Variants in MAD1L1 observed in about 807,000 individuals in gnomAD.
The protein encoded by MAD1L1 is mitotic spindle assembly checkpoint protein MAD1.
Under a neutral mutation model 96.9 loss-of-function variants are expected in MAD1L1, and 95 were observed. The ratio of observed to expected loss-of-function variants is 0.98; its 90% CI spans 0.83 to 1.16. The LOEUF (loss-of-function observed/expected upper bound fraction) is 1.16. Among genes scored for constraint, MAD1L1 ranks in the 50% most tolerant of loss-of-function variants. The probability of loss-of-function intolerance (pLI) is 0.00; values close to 1 mark genes in which losing one functional copy is unlikely to be tolerated. For synonymous variants in MAD1L1, 473 were observed against 396.6 expected (o/e 1.19, Z -2.29); for missense variants, 1,007 against 954.4 (o/e 1.06, Z -0.73).
rs116601321 is a variant in MAD1L1, at chr7:1,927,715, T to C, written c.1807+8972A>G. On this transcript the variant is annotated intron_variant, in intron 17 of 18. Transcript: ENST00000265854. Reference sequence around the variant, plus strand: ...TCAAAATGGGTCACAGATTTAAATGTGAACTTAAAACCTTTTAGTAGAAAA... The same window carrying C: ...TCAAAATGGGTCACAGATTTAAATGCGAACTTAAAACCTTTTAGTAGAAAA... Among the ~76,000 whole-genome samples, 1,270 of 152,276 alleles carry C rather than the reference T, an allele frequency of 8.3e-3. 16 individuals carry two copies. The highest frequency in any genetic ancestry group is 0.03 in the African/African-American group (1,231 of 41,550).
intron 18 of MAD1L1, among the ~76,000 whole-genome samples, chr7:1,819,047 G>A (rs1781984961): frequency 6.6e-6 from 1 of 152,064 alleles, no homozygotes; most frequent in Admixed American, 6.5e-5. Flanking sequence ...CTCCACCTCG[G>A]TCTAACGCTC....
At chr7:1,909,236 G>A (rs1411964286) in intron 17 of MAD1L1, among the ~76,000 whole-genome samples, 1 of 152,210 alleles carries the variant, frequency 6.6e-6, no homozygotes, top group Non-Finnish European at 1.5e-5. Flanking sequence ...GAAGCCAGTG[G>A]AGGCCCAGGG....
chr7:1,869,638 C>T (rs1014231941), intron 18 of MAD1L1, among the ~76,000 whole-genome samples: 3 of 152,200 alleles, frequency 2.0e-5, no homozygotes, highest in Admixed American at 1.3e-4. Flanking sequence ...CATCCATCTC[C>T]AGCTGCCGAA....
At chr7:1,877,434 A>T (rs899203626) in intron 18 of MAD1L1, among the ~76,000 whole-genome samples, 3 of 151,918 alleles carry the variant, frequency 2.0e-5, no homozygotes, top group Non-Finnish European at 4.4e-5. Flanking sequence ...ATAATTAATA[A>T]GCCAATGTTG....
chr7:2,053,151 C>T (rs539951969), intron 12 of MAD1L1, among the ~76,000 whole-genome samples: 1 of 152,360 alleles, frequency 6.6e-6, no homozygotes, highest in Non-Finnish European at 1.5e-5. Context: ...GCAAGTAACA[C>T]CCTCTTCCAC....
At chr7:2,052,448 G>C (rs1181918053) in intron 12 of MAD1L1, among the ~76,000 whole-genome samples, 1 of 152,116 alleles carries the variant, frequency 6.6e-6, no homozygotes, top group African/African-American at 2.4e-5. Context: ...AGCAGGCAGG[G>C]AGGGCGCCGG....
intron 17 of MAD1L1, among the ~76,000 whole-genome samples, chr7:1,921,773 G>A (rs1415638453): frequency 2.0e-5 from 3 of 152,124 alleles, no homozygotes; most frequent in South Asian, 2.1e-4. Flanking sequence ...ATAAATCTAC[G>A]GGGAAGGAAG....
chr7:1,898,287 G>C lies in MAD1L1; in HGVS notation c.1911C>G (p.Thr637=). 1 of 1,614,152 alleles carries C rather than the reference G, an allele frequency of 6.2e-7. No homozygotes were observed. Among genetic ancestry groups the C allele is most frequent in the Non-Finnish European group, 8.5e-7 (1 of 1,180,038 alleles). The part of the protein sequence containing the change: ...QEFRKACYTL[T]GYQIDITTEN... Reference sequence around the variant, plus strand: ...CCGTGGTGATGTCGATCTGGTAGCCGGTGAGCGTGTAGCAGGCCTTGCGGA... The same window carrying C: ...CCGTGGTGATGTCGATCTGGTAGCCCGTGAGCGTGTAGCAGGCCTTGCGGA... The change falls in exon 18 of 19, where the codon ACC becomes ACG. Residue 637 remains threonine (T), a synonymous_variant. Transcript: ENST00000265854.
intron 14 of MAD1L1, among the ~76,000 whole-genome samples, chr7:1,983,730 G>A (rs1781029082): frequency 6.6e-6 from 1 of 152,212 alleles, no homozygotes; most frequent in Non-Finnish European, 1.5e-5. Flanking sequence ...AGAATTCTCA[G>A]CACGCCTGAA....
chr7:1,907,214 G>T (rs372305272), intron 17 of MAD1L1, among the ~76,000 whole-genome samples: 1 of 152,154 alleles, frequency 6.6e-6, no homozygotes, highest in East Asian at 1.9e-4. Context: ...CCTGTCCCAC[G>T]GTCCCCCAGC....
chr7:2,004,122 C>T (rs758978116), intron 13 of MAD1L1, among the ~76,000 whole-genome samples: 5 of 152,168 alleles, frequency 3.3e-5, no homozygotes, highest in African/African-American at 7.2e-5. Flanking sequence ...GCTCTCCTCA[C>T]GCAGCCCTAC....
At chr7:1,882,632 A>G (rs751828619) in intron 18 of MAD1L1, among the ~76,000 whole-genome samples, 7 of 152,266 alleles carry the variant, frequency 4.6e-5, no homozygotes, top group South Asian at 2.1e-4. Context: ...CCAGGCCTGG[A>G]GCGTGAGCAC....
At chr7:1,847,011 A>G (rs1783665811) in intron 18 of MAD1L1, 1 of 340,030 alleles carries the variant, frequency 2.9e-6, no homozygotes, top group Admixed American at 4.4e-5. Flanking sequence ...CATTCATTAC[A>G]AAGAGACATT....
chr7:2,175,294 G>C (rs1790894291), intron 10 of MAD1L1: 2 of 152,200 alleles, frequency 1.3e-5, no homozygotes, highest in African/African-American at 2.4e-5. Context: ...GGCCACTCTG[G>C]AAGTAAGCAG....
intron 14 of MAD1L1, among the ~76,000 whole-genome samples, chr7:1,999,708 C>T (rs754909205): frequency 1.7e-4 from 26 of 152,206 alleles, no homozygotes; most frequent in African/African-American, 5.1e-4. Context: ...CAGCATAAAC[C>T]GCTCTCCCAC....
intron 10 of MAD1L1, among the ~76,000 whole-genome samples, chr7:2,195,404 C>T (rs1056966441): frequency 3.9e-5 from 6 of 152,274 alleles, no homozygotes; most frequent in Admixed American, 2.6e-4. Context: ...TTGCAGTAAA[C>T]GCTAGCAATG....
chr7:2,124,739 C>A (rs1254905419), intron 11 of MAD1L1, among the ~76,000 whole-genome samples: 1 of 152,174 alleles, frequency 6.6e-6, no homozygotes, highest in Non-Finnish European at 1.5e-5. Flanking sequence ...GGTCAGGAGA[C>A]AGCCATTCCA....
intron 18 of MAD1L1, among the ~76,000 whole-genome samples, chr7:1,896,005 G>A (rs1449894970): frequency 1.3e-5 from 2 of 152,228 alleles, no homozygotes; most frequent in African/African-American, 4.8e-5. Context: ...CGGGGCCCAG[G>A]CCAGACCCCT....
intron 17 of MAD1L1, among the ~76,000 whole-genome samples, chr7:1,905,955 CAGG>C (rs977689145): frequency 6.7e-6 from 1 of 148,722 alleles, no homozygotes; most frequent in Non-Finnish European, 1.5e-5. Context: ...GAGGCTGAGG[CAGG>C]AGAATTGCTT....
Sources: gnomAD v4.1 joint callset for allele counts (sites outside exome capture counted in the v4.1 genomes callset) on GRCh38, gnomAD v4.1.1 for gene constraint, MANE v1.5 for transcripts, NCBI Gene and HGNC (gene_info 2026-07-23, HGNC 2026-07-21) for gene names.